Variants in KCNAB1 observed in about 807,000 individuals in gnomAD.
KCNAB1 encodes the protein potassium voltage-gated channel subfamily A regulatory beta subunit 1.
In KCNAB1, 35 loss-of-function variants were observed where a neutral mutation model predicts 64.6. The observed-to-expected ratio is 0.54, with a 90% CI of 0.41 to 0.72. The LOEUF is 0.72. Ranked by LOEUF, KCNAB1 falls within the 30% of genes least tolerant of loss-of-function variation. The pLI is 0.00. For synonymous variants in KCNAB1, 177 were observed against 183.8 expected (o/e 0.96, Z 0.30); for missense variants, 401 against 512.9 (o/e 0.78, Z 2.11).
intron 1 of KCNAB1, among the ~76,000 whole-genome samples, chr3:156,196,340 G>T (rs887671722): frequency 6.6e-6 from 1 of 152,072 alleles, no homozygotes; most frequent in Non-Finnish European, 1.5e-5. Context: ...TTCAAGTTTT[G>T]TGAAGAAAGT....
At chr3:156,189,990 A>G (rs1285279658) in intron 1 of KCNAB1, among the ~76,000 whole-genome samples, 1 of 152,258 alleles carries the variant, frequency 6.6e-6, no homozygotes, top group East Asian at 1.9e-4. Flanking sequence ...AAAAGCAATT[A>G]TTAAAACAAT....
chr3:156,307,587 C>A (rs149890821), intron 1 of KCNAB1, among the ~76,000 whole-genome samples: 1 of 152,166 alleles, frequency 6.6e-6, no homozygotes, highest in Non-Finnish European at 1.5e-5. Flanking sequence ...CATTCTGGTG[C>A]TGTCATTTCC....
intron 1 of KCNAB1, among the ~76,000 whole-genome samples, chr3:156,150,553 A>G (rs1021867243): frequency 7.2e-5 from 11 of 152,162 alleles, no homozygotes; most frequent in Non-Finnish European, 1.6e-4. Flanking sequence ...AAAAAAAGTG[A>G]GCATTTTGAA....
chr3:156,505,060 T>C (rs957235756), intron 8 of KCNAB1, among the ~76,000 whole-genome samples: 3 of 152,212 alleles, frequency 2.0e-5, no homozygotes, highest in African/African-American at 7.2e-5. Context: ...TTTAGGTCTT[T>C]AATCCATTTT....
At position 156,437,704 on chromosome 3, in the gene KCNAB1, G is replaced by T. The variant is rs145111745; in HGVS notation, c.320-15195G>T. ...CCACTGGGATTTTTGCAGAAGGTTA[G>T]TAGTACTAATAAAATGAAGGGCAAA... On this transcript the variant is annotated intron_variant, in intron 2 of 13. Transcript: ENST00000490337. Among the ~76,000 whole-genome samples, 1,459 of 152,288 alleles carry T rather than the reference G, an allele frequency of 9.6e-3. 13 individuals are homozygous for T. The highest frequency in any genetic ancestry group is 0.034 in the African/African-American group (1,397 of 41,546).
intron 5 of KCNAB1, among the ~76,000 whole-genome samples, chr3:156,463,026 C>T (rs1319527721): frequency 1.3e-5 from 2 of 152,180 alleles, no homozygotes; most frequent in African/African-American, 4.8e-5. Context: ...GAGTTAAGGA[C>T]TTTAGGACTG....
chr3:156,305,501 T>A (rs979954113), intron 1 of KCNAB1, among the ~76,000 whole-genome samples: 1 of 152,234 alleles, frequency 6.6e-6, no homozygotes, highest in African/African-American at 2.4e-5. Context: ...ATGAGACTTG[T>A]CCTCTTCACA....
intron 1 of KCNAB1, among the ~76,000 whole-genome samples, chr3:156,264,138 A>T (rs779316504): frequency 5.3e-5 from 8 of 152,136 alleles, no homozygotes; most frequent in Non-Finnish European, 1.2e-4. Context: ...ATGTACTGGC[A>T]GTTCTATTTT....
At chr3:156,529,301 G>C (rs1417043047) in intron 12 of KCNAB1, among the ~76,000 whole-genome samples, 1 of 152,158 alleles carries the variant, frequency 6.6e-6, no homozygotes, top group African/African-American at 2.4e-5. Context: ...GAGACAAAAA[G>C]TAGATCAGTG....
At chr3:156,484,037 A>C (rs754717506) in intron 8 of KCNAB1, among the ~76,000 whole-genome samples, 1 of 152,172 alleles carries the variant, frequency 6.6e-6, no homozygotes, top group Non-Finnish European at 1.5e-5. Context: ...TTCTTTGGAA[A>C]TCAGTGATTC....
At chr3:156,252,266 C>T (rs185314526) in intron 1 of KCNAB1, among the ~76,000 whole-genome samples, 35 of 152,322 alleles carry the variant, frequency 2.3e-4, no homozygotes, top group African/African-American at 7.5e-4. Flanking sequence ...TAATGTCATT[C>T]GTAGTAGAAC....
At chr3:156,142,299 T>C (rs1714753553) in intron 1 of KCNAB1, among the ~76,000 whole-genome samples, 1 of 152,202 alleles carries the variant, frequency 6.6e-6, no homozygotes, top group Non-Finnish European at 1.5e-5. Flanking sequence ...GGATTGTGCT[T>C]TTGGTGTCAA....
chr3:156,194,357 T>A (rs77544510), intron 1 of KCNAB1, among the ~76,000 whole-genome samples: 5,673 of 152,258 alleles, frequency 0.037, 143 homozygotes, highest in Non-Finnish European at 0.055. Flanking sequence ...TCACTTAATA[T>A]AGAATTACAG....
intron 1 of KCNAB1, among the ~76,000 whole-genome samples, chr3:156,262,561 C>T (rs987998166): frequency 4.0e-5 from 6 of 151,574 alleles, no homozygotes; most frequent in African/African-American, 4.8e-5. Flanking sequence ...TTTTACAAGT[C>T]GCTGGATTTG....
intron 1 of KCNAB1, among the ~76,000 whole-genome samples, chr3:156,318,648 A>G (rs1026697579): frequency 2.0e-5 from 3 of 152,340 alleles, no homozygotes; most frequent in African/African-American, 4.8e-5. Flanking sequence ...GAATAAATAC[A>G]TGTAGAAAAG....
intron 1 of KCNAB1, among the ~76,000 whole-genome samples, chr3:156,316,298 C>T (rs1231573697): frequency 2.0e-5 from 3 of 152,230 alleles, no homozygotes; most frequent in African/African-American, 4.8e-5. Flanking sequence ...GGGCTGGAAG[C>T]CTAGACTCTT....
At chr3:156,312,835 G>A (rs1309301924) in intron 1 of KCNAB1, among the ~76,000 whole-genome samples, 1 of 151,392 alleles carries the variant, frequency 6.6e-6, no homozygotes, top group Non-Finnish European at 1.5e-5. Context: ...CTGCTCATTT[G>A]GCCCTCTCCC....
At chr3:156,291,225 G>A (rs891324661) in intron 1 of KCNAB1, 3 of 986,014 alleles carry the variant, frequency 3.0e-6, no homozygotes, top group East Asian at 1.1e-4. Flanking sequence ...AACCCGTGTC[G>A]GTGCAGGCTC....
intron 8 of KCNAB1, among the ~76,000 whole-genome samples, chr3:156,509,131 C>A (rs1717017316): frequency 6.6e-6 from 1 of 152,038 alleles, no homozygotes; most frequent in African/African-American, 2.4e-5. Flanking sequence ...TACTAGCTAT[C>A]TGTTTGCTTA....
Sources: gnomAD v4.1 joint callset for allele counts (sites outside exome capture counted in the v4.1 genomes callset) on GRCh38, gnomAD v4.1.1 for gene constraint, MANE v1.5 for transcripts, NCBI Gene and HGNC (gene_info 2026-07-23, HGNC 2026-07-21) for gene names.